Variants in ANKMY2 observed in about 807,000 individuals in gnomAD.
ANKMY2 encodes ankyrin repeat and MYND domain containing 2.
A neutral mutation model predicts 50.4 loss-of-function variants in ANKMY2; 36 were observed. The observed-to-expected ratio is 0.71, with a 90% confidence interval of 0.55 to 0.94. ANKMY2 has a LOEUF of 0.94. ANKMY2 is among the 40% of genes least tolerant of loss of function. The pLI is 0.00. For synonymous variants in ANKMY2, 187 were observed against 178.8 expected (o/e 1.05, Z -0.36); for missense variants, 565 against 524.0 (o/e 1.08, Z -0.76).
At chr7:16,617,098 C>T (rs1781366330) in intron 4 of ANKMY2, among the ~76,000 whole-genome samples, 1 of 151,828 alleles carries the variant, frequency 6.6e-6, no homozygotes, top group Non-Finnish European at 1.5e-5. Context: ...TATGGGAACA[C>T]CTATCTTTTT....
At position 16,629,970 on chromosome 7, in the gene ANKMY2, T is replaced by C. The variant is rs113899683; in HGVS notation, c.133-2792A>G. ...AATTTTCTATTTATTCTAGTGTTTT[T>C]ATAGTATTTCAGTGTAAATATCCAG... On this transcript the variant is annotated intron_variant, in intron 2 of 9. Coordinates refer to ENST00000306999, the MANE Select transcript of ANKMY2 (RefSeq NM_020319.3). Among the ~76,000 whole-genome samples the C allele has an allele frequency of 1.6e-3, 244 of 152,302 alleles. 2 individuals carry two copies. The highest frequency in any genetic ancestry group is 5.7e-3 in the African/African-American group (236 of 41,580).
At chr7:16,624,311 A>G (rs1285682896) in intron 4 of ANKMY2, among the ~76,000 whole-genome samples, 2 of 152,036 alleles carry the variant, frequency 1.3e-5, no homozygotes, top group Admixed American at 1.3e-4. Context: ...AATGGTGTCA[A>G]AATACCAAAG....
chr7:16,609,232 C>T (rs76502313), intron 7 of ANKMY2, among the ~76,000 whole-genome samples: 1 of 152,112 alleles, frequency 6.6e-6, no homozygotes, highest in East Asian at 1.9e-4. Flanking sequence ...CCACTACATC[C>T]CCACTGCCTG....
At chr7:16,618,933 A>C (rs1209844614) in intron 4 of ANKMY2, among the ~76,000 whole-genome samples, 2 of 152,200 alleles carry the variant, frequency 1.3e-5, no homozygotes, top group African/African-American at 4.8e-5. Context: ...CACACACAAA[A>C]GTTCCAAAAT....
intron 3 of ANKMY2, among the ~76,000 whole-genome samples, chr7:16,626,232 G>A (rs140468426): frequency 0.012 from 1,882 of 152,094 alleles, 36 homozygotes; most frequent in African/African-American, 0.042. Context: ...AGCCCGCCTT[G>A]GCCTCCCAAA....
intron 2 of ANKMY2, among the ~76,000 whole-genome samples, chr7:16,631,771 C>T (rs549880401): frequency 3.9e-5 from 6 of 152,036 alleles, no homozygotes; most frequent in South Asian, 2.1e-4. Flanking sequence ...CCCGCCACCA[C>T]GCCTGGCTAA....
intron 2 of ANKMY2, among the ~76,000 whole-genome samples, chr7:16,632,189 C>T (rs1186970353): frequency 1.3e-5 from 2 of 149,112 alleles, no homozygotes; most frequent in South Asian, 4.2e-4. Context: ...CAAGCTGTAT[C>T]TATATTTTGG....
chr7:16,617,522 C>T (rs1337445675), intron 4 of ANKMY2, among the ~76,000 whole-genome samples: 9 of 152,118 alleles, frequency 5.9e-5, no homozygotes, highest in Admixed American at 5.9e-4. Context: ...ACAATAACTA[C>T]CACAACTACA....
At position 16,610,717 on chromosome 7, in the gene ANKMY2, G is replaced by A; in HGVS notation, c.578C>T (p.Ala193Val). 1 of 1,613,880 alleles carries A rather than the reference G, an allele frequency of 6.2e-7. No individual in the cohort carries two copies. Among genetic ancestry groups the A allele is most frequent in the Non-Finnish European group, 8.5e-7 (1 of 1,179,942 alleles). Reference protein sequence around the residue: ...NENPLLTEEAALNKCYRVMDL... With the variant: ...NENPLLTEEAVLNKCYRVMDL... ...CATCACTCTGTAGCATTTATTCAGGGCTGCTTCTTCTGTCAGCAGAGGATT... is the reference window on the plus strand; with the variant it reads ...CATCACTCTGTAGCATTTATTCAGGACTGCTTCTTCTGTCAGCAGAGGATT... Residue 193 changes from alanine to valine, a missense_variant, in exon 6 of 10, where the codon GCC (alanine) becomes GTC (valine). Coordinates refer to ENST00000306999, the MANE Select transcript of ANKMY2 (RefSeq NM_020319.3).
chr7:16,613,081 T>C (rs764232640), intron 5 of ANKMY2, among the ~76,000 whole-genome samples: 5 of 152,212 alleles, frequency 3.3e-5, no homozygotes, highest in Admixed American at 6.5e-5. Context: ...CTGCCTCCTG[T>C]ACACTTAGAG....
chr7:16,631,501 T>A (rs1781581179), intron 2 of ANKMY2, among the ~76,000 whole-genome samples: 1 of 152,180 alleles, frequency 6.6e-6, no homozygotes. Context: ...GTCCTTAAAG[T>A]TTGATAAAGC....
chr7:16,632,465 T>G (rs1032561508), intron 2 of ANKMY2, among the ~76,000 whole-genome samples: 2 of 152,178 alleles, frequency 1.3e-5, no homozygotes, highest in Admixed American at 1.3e-4. Context: ...TCCTATGAAT[T>G]TGCCTATTTT....
intron 2 of ANKMY2, among the ~76,000 whole-genome samples, chr7:16,631,423 ATGAGT>A (rs1461084385): frequency 6.6e-6 from 1 of 152,222 alleles, no homozygotes; most frequent in Non-Finnish European, 1.5e-5. Context: ...TATCAAATAA[ATGAGT>A]TGAGTATCTT....
chr7:16,639,244 A>T (rs983105744), intron 1 of ANKMY2, among the ~76,000 whole-genome samples: 1 of 152,206 alleles, frequency 6.6e-6, no homozygotes, highest in Non-Finnish European at 1.5e-5. Flanking sequence ...AGTAGACTTA[A>T]ATAATATTTT....
At chr7:16,604,594 A>G (rs1781122242) in intron 8 of ANKMY2, 127 bp downstream of exon 8, 1 of 1,251,686 alleles carries the variant, frequency 8.0e-7, no homozygotes, top group Non-Finnish European at 1.1e-6. Flanking sequence ...AGTATTAAAT[A>G]GAATATTTTC....
chr7:16,620,591 T>TACACACACACAC lies in ANKMY2; in HGVS notation c.370+4380_370+4391dup, dbSNP rs58418780. 7.7e-3 allele frequency among the ~76,000 whole-genome samples: 1,115 copies of TACACACACACAC among 145,578 alleles called. 10 individuals carry two copies. Among genetic ancestry groups the TACACACACACAC allele is most frequent in the African/African-American group, 0.027 (1,052 of 38,856 alleles). ...CAATCACTTTAGGGAAATACATGTG[T>TACACACACACAC]ACACACACACACACACACACACACA... On this transcript the variant is annotated intron_variant, in intron 4 of 9. Transcript: ENST00000306999.
At chr7:16,605,138 G>T (rs1210533101) in intron 7 of ANKMY2, among the ~76,000 whole-genome samples, 1 of 152,172 alleles carries the variant, frequency 6.6e-6, no homozygotes, top group Non-Finnish European at 1.5e-5. Context: ...AATTCAGTAA[G>T]CCCATAGCGT....
At chr7:16,617,103 C>A (rs892268186) in intron 4 of ANKMY2, among the ~76,000 whole-genome samples, 3 of 151,832 alleles carry the variant, frequency 2.0e-5, no homozygotes, top group Non-Finnish European at 2.9e-5. Context: ...GAACACCTAT[C>A]TTTTTATTGA....
chr7:16,622,723 G>C (rs921022019), intron 4 of ANKMY2, among the ~76,000 whole-genome samples: 1 of 151,452 alleles, frequency 6.6e-6, no homozygotes, highest in Non-Finnish European at 1.5e-5. Context: ...CTGGGCGACA[G>C]GGCGAGACTC....
Sources: gnomAD v4.1 joint callset for allele counts (sites outside exome capture counted in the v4.1 genomes callset) on GRCh38, gnomAD v4.1.1 for gene constraint, MANE v1.5 for transcripts, NCBI Gene and HGNC (gene_info 2026-07-23, HGNC 2026-07-21) for gene names.